Variants in ZNF420 observed in about 807,000 individuals in gnomAD.
ZNF420 encodes the protein zinc finger protein 420.
In ZNF420, 31 loss-of-function variants were observed where a neutral mutation model predicts 44.7. The ratio of observed to expected loss-of-function variants is 0.69; its 90% CI spans 0.52 to 0.94. ZNF420 has a LOEUF of 0.94. Among genes scored for constraint, ZNF420 ranks in the 40% least tolerant of loss-of-function variants. ZNF420 has a pLI of 0.00. For synonymous variants in ZNF420, 245 were observed against 267.4 expected, an observed-to-expected ratio of 0.92 and a Z score of 0.82; for missense variants, 681 against 827.9, an observed-to-expected ratio of 0.82 and a Z score of 2.18.
chr19:37,043,672 C>T (rs1207753239), intron 1 of ZNF420, among the ~76,000 whole-genome samples: 2 of 152,124 alleles, frequency 1.3e-5, no homozygotes, highest in Non-Finnish European at 2.9e-5. Flanking sequence ...AGGGTTTCAC[C>T]ATGTTGGTCA....
chr19:37,062,805 G>T (rs937512643), intron 1 of ZNF420, among the ~76,000 whole-genome samples: 20 of 152,110 alleles, frequency 1.3e-4, no homozygotes, highest in African/African-American at 4.8e-4. Flanking sequence ...GTAGGGGATG[G>T]GTGAAAAAAT....
chr19:37,028,187 C>G (rs1397638406), intron 1 of ZNF420, among the ~76,000 whole-genome samples: 1 of 152,114 alleles, frequency 6.6e-6, no homozygotes, highest in African/African-American at 2.4e-5. Context: ...TGGTGTTGAG[C>G]ATCTTTTCAG....
Position 37,056,451 on chromosome 19 carries a change from G to A in ZNF420, c.-124-23894G>A, listed in dbSNP as rs77137487. Among the ~76,000 whole-genome samples, 10 of 152,272 alleles carry A rather than the reference G, an allele frequency of 6.6e-5. No individual in the cohort carries two copies. In the East Asian group the frequency reaches 1.2e-3, roughly 18 times the overall value. ...CTTCTCTTGGGGACGCCAGTGACAC[G>A]TGTGGTTGCATTGGCTCCACCTTGG... On this transcript the variant is annotated intron_variant, in intron 1 of 4. Transcript: ENST00000587029.
chr19:37,128,639 C>G lies in ZNF420; in HGVS notation c.1648C>G (p.Gln550Glu). Reference sequence around the variant, plus strand: ...GCGTGGCTTACTACTTATACAACATCAGAGAATTCATACTGGTGAGAAACC... The same window carrying G: ...GCGTGGCTTACTACTTATACAACATGAGAGAATTCATACTGGTGAGAAACC... ...FARGLLLIQHQRIHTGEKPYQ... is the reference protein window; with the variant it reads ...FARGLLLIQHERIHTGEKPYQ... The change falls in exon 5 of 5, where the codon CAG becomes GAG. Residue 550 changes from glutamine (Q) to glutamate (E), a missense_variant. By Grantham distance (29) the Gln-to-Glu change is conservative (BLOSUM62 2). Coordinates refer to ENST00000337995, the MANE Select transcript of ZNF420 (RefSeq NM_144689.5). 1 of 1,613,960 alleles carries G rather than the reference C, an allele frequency of 6.2e-7. No individual in the cohort carries two copies. The highest frequency in any genetic ancestry group is 8.5e-7 in the Non-Finnish European group (1 of 1,179,968).
rs1969827192 is a variant in ZNF420, at chr19:37,102,343, T to C, written c.136+11222T>C. 1.3e-5 allele frequency among the ~76,000 whole-genome samples: 2 copies of C among 152,140 alleles called. 1 individual carries two copies. Among genetic ancestry groups the C allele is most frequent in the South Asian group, 4.1e-4 (2 of 4,826 alleles). ...ACGGATGAATCTTACTCTGGATCCT[T>C]GTATGAGCGGTTCTGAGCTGGCACC... On this transcript the variant is annotated intron_variant, in intron 4 of 4. Transcript: ENST00000337995.
At chr19:37,045,140 C>G (rs1455325684) in intron 1 of ZNF420, among the ~76,000 whole-genome samples, 1 of 152,172 alleles carries the variant, frequency 6.6e-6, no homozygotes, top group Non-Finnish European at 1.5e-5. Context: ...ATATTTTGAA[C>G]AATTTTCTAT....
intron 1 of ZNF420, among the ~76,000 whole-genome samples, chr19:37,047,056 A>G (rs1967554885): frequency 6.6e-6 from 1 of 151,640 alleles, no homozygotes; most frequent in Admixed American, 6.6e-5. Flanking sequence ...GAAATTGAAT[A>G]TAGGCAAGGA....
chr19:37,068,106 A>C (rs59043209), intron 1 of ZNF420, among the ~76,000 whole-genome samples: 2,002 of 152,272 alleles, frequency 0.013, 46 homozygotes, highest in African/African-American at 0.045. Flanking sequence ...CTTGGTGCTA[A>C]AGTATTCTAA....
rs1971417682 is a variant in ZNF420 at position 37,127,501 on chromosome 19, G to A, written c.510G>A (p.Lys170=). 5.0e-6 allele frequency: 8 copies of A among 1,613,720 alleles called. No homozygotes were observed. The East Asian group carries it at 1.8e-4, about 36-fold the overall frequency. ...IHTGEKPYEC[K]QCGKAFSRDS... Reference sequence around the variant, plus strand: ...CTGGTGAAAAACCCTATGAATGTAAGCAATGCGGGAAGGCCTTTAGTCGTG... The same window carrying A: ...CTGGTGAAAAACCCTATGAATGTAAACAATGCGGGAAGGCCTTTAGTCGTG... The change falls in exon 5 of 5, where the codon AAG becomes AAA. Residue 170 remains lysine, a synonymous_variant. Coordinates refer to ENST00000337995, the MANE Select transcript of ZNF420 (RefSeq NM_144689.5).
chr19:37,011,894 G>A (rs2074572045), intron 1 of ZNF420, among the ~76,000 whole-genome samples: 1 of 152,156 alleles, frequency 6.6e-6, no homozygotes, highest in African/African-American at 2.4e-5. Flanking sequence ...AGGAGCCCCA[G>A]GGCTTTGGAA....
intron 1 of ZNF420, among the ~76,000 whole-genome samples, chr19:37,050,949 A>G (rs1237365319): frequency 1.3e-5 from 2 of 151,998 alleles, no homozygotes; most frequent in Admixed American, 1.3e-4. Flanking sequence ...GAATTTTGTC[A>G]AAGGCCTTTT....
rs200675234 is a variant in ZNF420, at chr19:37,038,986, CA to C, written c.-125+30915del. Among the ~76,000 whole-genome samples the C allele has an allele frequency of 3.0e-4, 43 of 144,268 alleles. 2 individuals are homozygous for C. The highest frequency in any genetic ancestry group is 4.1e-4 in the Admixed American group (6 of 14,486). The allele number at this position is 144,268 out of a possible 152,430, so 94.6% of individuals were successfully genotyped here. On this transcript the variant is annotated intron_variant, in intron 1 of 4. Coordinates refer to the ZNF420 transcript ENST00000587029. ...GGACAACAACAATGAAACTCTGTCT[CA>C]AAAAAAAAAAGAAAAGAAAAGAAAA...
Position 37,129,230 on chromosome 19 carries a change from C to T in ZNF420, c.*172C>T. The T allele has an allele frequency of 1.3e-6, 1 of 790,806 alleles. No homozygotes were observed. The highest frequency in any genetic ancestry group is 2.8e-5 in the Admixed American group (1 of 36,136). The allele number at this position is 790,806 out of a possible 1,614,324, so 49.0% of individuals were successfully genotyped here. ...TATAGAAAAACATCATTACTGGAAACCTATTAAACATTAGCAAATTGGAGA... is the reference window on the plus strand; with the variant it reads ...TATAGAAAAACATCATTACTGGAAATCTATTAAACATTAGCAAATTGGAGA... On this transcript the variant is annotated 3_prime_UTR_variant, in exon 5 of 5. Transcript: ENST00000337995.
chr19:37,107,989 G>T (rs372382168), intron 4 of ZNF420, among the ~76,000 whole-genome samples: 1 of 152,056 alleles, frequency 6.6e-6, no homozygotes, highest in Non-Finnish European at 1.5e-5. Context: ...AAAATCTGAC[G>T]TATTCCAGTC....
At chr19:37,029,706 A>G (rs1483160551) in intron 1 of ZNF420, among the ~76,000 whole-genome samples, 1 of 152,030 alleles carries the variant, frequency 6.6e-6, no homozygotes, top group Non-Finnish European at 1.5e-5. Context: ...TATCTTTAGT[A>G]GAGACGGGGT....
chr19:37,094,474 G>T (rs762942677), intron 4 of ZNF420, among the ~76,000 whole-genome samples: 6 of 151,938 alleles, frequency 3.9e-5, no homozygotes, highest in Non-Finnish European at 7.4e-5. Flanking sequence ...AGTTTTTATT[G>T]ATTGTAATTG....
chr19:37,083,534 A>G (rs1264327703), intron 2 of ZNF420, among the ~76,000 whole-genome samples: 1 of 152,168 alleles, frequency 6.6e-6, no homozygotes, highest in African/African-American at 2.4e-5. Context: ...GTATTAAAAC[A>G]TATCTGTTAT....
At position 37,116,368 on chromosome 19, in the gene ZNF420, C is replaced by CAAAAA. The variant is rs57611154; in HGVS notation, c.137-10742_137-10738dup. Among the ~76,000 whole-genome samples the CAAAAA allele has an allele frequency of 4.3e-4, 33 of 75,900 alleles. 2 individuals carry two copies. Among genetic ancestry groups the CAAAAA allele is most frequent in the African/African-American group, 1.1e-3 (25 of 23,052 alleles). The allele number at this position is 75,900 out of a possible 152,430, so 49.8% of individuals were successfully genotyped here. On this transcript the variant is annotated intron_variant, in intron 4 of 4. Coordinates refer to ENST00000337995, the MANE Select transcript of ZNF420 (RefSeq NM_144689.5). ...TGGGCAACAGAGCAGGACTCCACCTCAAAAAAAAAAAAAAAAAAAAAAGAA... is the reference window on the plus strand; with the variant it reads ...TGGGCAACAGAGCAGGACTCCACCTCAAAAAAAAAAAAAAAAAAAAAAAAAAAGAA...
At chr19:37,045,624 C>G (rs1465691177) in intron 1 of ZNF420, among the ~76,000 whole-genome samples, 2 of 152,124 alleles carry the variant, frequency 1.3e-5, no homozygotes, top group Non-Finnish European at 2.9e-5. Flanking sequence ...TTTTCTTGAG[C>G]CATTGTCATT....
Sources: allele counts gnomAD v4.1 joint callset (sites outside exome capture counted in the v4.1 genomes callset), GRCh38; gene constraint gnomAD v4.1.1; transcripts MANE v1.5; gene names NCBI Gene and HGNC (gene_info 2026-07-23, HGNC 2026-07-21).